Variants in WDFY2 observed in about 807,000 individuals in gnomAD.
WDFY2 encodes the protein WD repeat and FYVE domain-containing protein 2.
A neutral mutation model predicts 56.4 loss-of-function variants in WDFY2; 36 were observed. The ratio of observed to expected loss-of-function variants is 0.64; its 90% CI spans 0.49 to 0.84. The LOEUF (loss-of-function observed/expected upper bound fraction) is 0.84. WDFY2 is among the 40% of genes least tolerant of loss of function. The pLI is 0.00. For missense variants in WDFY2, 444 were observed against 512.2 expected (o/e 0.87, Z 1.29); for synonymous variants, 176 against 183.7 (o/e 0.96, Z 0.34).
Position 51,741,237 on chromosome 13 carries a change from G to A in WDFY2, c.725+2062G>A, listed in dbSNP as rs1222769112. 2.6e-5 allele frequency among the ~76,000 whole-genome samples: 4 copies of A among 152,162 alleles called. No homozygotes were observed. In the East Asian group the frequency reaches 7.7e-4, roughly 29 times the overall value. On this transcript the variant is annotated intron_variant, in intron 7 of 11. Transcript: ENST00000298125. ...TAAGCAGGCAGGCTGCTGAGATCAG[G>A]AGCCACCAGGCAGAAGTGGCTTTAC... is the stretch of plus-strand genomic sequence containing the variant.
At position 51,702,793 on chromosome 13, in the gene WDFY2, T is replaced by G. The variant is rs1016804279; in HGVS notation, c.280-803T>G. On this transcript the variant is annotated intron_variant, in intron 3 of 11. Coordinates refer to ENST00000298125, the MANE Select transcript of WDFY2 (RefSeq NM_052950.4). ...CTCAGATGAAGGCATCAATTTATTA[T>G]ACTTTGCAGCTTTCCTTATGTTTTA... is the stretch of plus-strand genomic sequence containing the variant. Among the ~76,000 whole-genome samples the G allele has an allele frequency of 2.0e-5, 3 of 152,354 alleles. No individual in the cohort carries two copies. The East Asian group carries it at 5.8e-4, about 29-fold the overall frequency.
In WDFY2 at chr13:51,756,443, G is replaced by A. The variant is rs1191616603; in HGVS notation, c.1045G>A (p.Glu349Lys). Residue 349 changes from glutamate (E) to lysine (K), a missense_variant, in exon 10 of 12, where the codon GAG becomes AAG. Glu to Lys is a moderately conservative substitution (Grantham distance 56). Transcript: ENST00000298125. ...FEVRVCDSCH[E>K]AITDEERAPT... ...AGTGAGGGTCTGTGACAGCTGCCAC[G>A]AGGCCATCACAGATGAAGAGTAAGT... 11 of 1,613,894 alleles carry A rather than the reference G, an allele frequency of 6.8e-6. No individual in the cohort carries two copies. The highest frequency in any genetic ancestry group is 2.2e-5 in the South Asian group (2 of 91,078).
At chr13:51,677,116 A>G (rs961499156) in intron 3 of WDFY2, among the ~76,000 whole-genome samples, 2 of 152,232 alleles carry the variant, frequency 1.3e-5, no homozygotes, top group Non-Finnish European at 2.9e-5. Flanking sequence ...AGGCGAAACC[A>G]TCTTAGCCAT....
chr13:51,747,904 T>TA (rs1953140298), intron 7 of WDFY2, among the ~76,000 whole-genome samples: 1 of 152,220 alleles, frequency 6.6e-6, no homozygotes, highest in Non-Finnish European at 1.5e-5. Flanking sequence ...ATCTTAGGCA[T>TA]AAAACACATC....
chr13:51,609,602 C>T (rs1954454350), intron 1 of WDFY2, among the ~76,000 whole-genome samples: 5 of 68,754 alleles, frequency 7.3e-5, no homozygotes, highest in Admixed American at 2.0e-4. Flanking sequence ...AAAACCCCAA[C>T]CCCCGCCCCC....
At chr13:51,653,867 G>T (rs1955454873) in intron 1 of WDFY2, among the ~76,000 whole-genome samples, 1 of 152,206 alleles carries the variant, frequency 6.6e-6, no homozygotes, top group Admixed American at 6.5e-5. Context: ...ACCCACTTGA[G>T]GAGGCAGTCT....
rs559784567 is a variant in WDFY2 at position 51,707,832 on chromosome 13, G to T, written c.334+4182G>T. 1.7e-3 allele frequency among the ~76,000 whole-genome samples: 260 copies of T among 150,224 alleles called. 1 individual carries two copies. The highest frequency in any genetic ancestry group is 6.1e-3 in the African/African-American group (248 of 40,898). Reference sequence around the variant, plus strand: ...CAATAACACAAAGATCAGGAGAAATGGAAGTATACTATTGTAGGTTCTAGA... The same window carrying T: ...CAATAACACAAAGATCAGGAGAAATTGAAGTATACTATTGTAGGTTCTAGA... On this transcript the variant is annotated intron_variant, in intron 4 of 11. Transcript: ENST00000298125.
In WDFY2 at chr13:51,703,645, A is replaced by G. The variant is rs2138583864; in HGVS notation, c.329A>G (p.Tyr110Cys). The G allele has an allele frequency of 2.5e-6, 4 of 1,610,448 alleles. No individual in the cohort carries two copies. In the South Asian group the frequency reaches 3.3e-5, roughly 13 times the overall value. ...DYNKMTPVKN[Y>C]QAHQSRVTMI... ...AACAAGATGACTCCTGTGAAAAACT[A>G]TCAAGGTAGGGAGTGAGAGGAGTAC... is the stretch of plus-strand genomic sequence containing the variant. The change falls in exon 4 of 12, where the codon TAT becomes TGT. Residue 110 changes from tyrosine to cysteine, a missense_variant. Transcript: ENST00000298125.
intron 6 of WDFY2, among the ~76,000 whole-genome samples, chr13:51,729,846 A>C (rs1478415434): frequency 1.3e-5 from 2 of 152,212 alleles, no homozygotes; most frequent in African/African-American, 4.8e-5. Flanking sequence ...AAAGTTTACC[A>C]TTTTAACCAT....
intron 1 of WDFY2, among the ~76,000 whole-genome samples, chr13:51,607,204 A>C (rs1954399351): frequency 6.6e-6 from 1 of 152,228 alleles, no homozygotes; most frequent in African/African-American, 2.4e-5. Context: ...TTAGTGACTT[A>C]AAACAACAAT....
chr13:51,670,888 G>A (rs764768081), intron 2 of WDFY2, among the ~76,000 whole-genome samples: 12 of 151,884 alleles, frequency 7.9e-5, no homozygotes, highest in East Asian at 1.9e-4. Context: ...ACCTTTCCTC[G>A]AATCCCCAAA....
At chr13:51,643,619 G>C (rs923624089) in intron 1 of WDFY2, among the ~76,000 whole-genome samples, 1 of 152,114 alleles carries the variant, frequency 6.6e-6, no homozygotes, top group Non-Finnish European at 1.5e-5. Flanking sequence ...TGTTTCTCTT[G>C]CCTGTGAGGG....
chr13:51,758,369 C>T, intron 11 of WDFY2, 69 bp downstream of exon 11: 1 of 1,174,628 alleles, frequency 8.5e-7, no homozygotes, highest in Non-Finnish European at 1.2e-6. Context: ...GCACCAAGAA[C>T]ATGGGAGGCA....
intron 3 of WDFY2, among the ~76,000 whole-genome samples, chr13:51,700,683 T>G (rs1951964699): frequency 6.6e-6 from 1 of 152,226 alleles, no homozygotes; most frequent in Non-Finnish European, 1.5e-5. Context: ...AGTAATATTA[T>G]GGTCAGGCGT....
intron 5 of WDFY2, among the ~76,000 whole-genome samples, chr13:51,722,916 T>C (rs139679833): frequency 6.6e-6 from 1 of 152,372 alleles, no homozygotes; most frequent in African/African-American, 2.4e-5. Context: ...CATGTTTTGA[T>C]AATATTTTTC....
At chr13:51,730,478 T>C (rs1952699701) in intron 6 of WDFY2, among the ~76,000 whole-genome samples, 1 of 152,204 alleles carries the variant, frequency 6.6e-6, no homozygotes, top group African/African-American at 2.4e-5. Flanking sequence ...CGCTCTGTGC[T>C]GTCCCTTGTC....
At position 51,686,065 on chromosome 13, in the gene WDFY2, G is replaced by A. The variant is rs115384909; in HGVS notation, c.279+10822G>A. ...TTATTCTCTTCCCTCCCTTTATCAA[G>A]TAGAGCTTTCTCAGAGTTTGTGGGA... On this transcript the variant is annotated intron_variant, in intron 3 of 11. Transcript: ENST00000298125. Among the ~76,000 whole-genome samples, 1,389 of 152,194 alleles carry A rather than the reference G, an allele frequency of 9.1e-3. 18 individuals carry two copies. The highest frequency in any genetic ancestry group is 0.032 in the African/African-American group (1,313 of 41,504).
chr13:51,663,565 A>G (rs1294687986), intron 2 of WDFY2, among the ~76,000 whole-genome samples: 2 of 152,220 alleles, frequency 1.3e-5, no homozygotes, highest in Admixed American at 1.3e-4. Context: ...ACGCATTCAG[A>G]TGATGTAATA....
At chr13:51,725,607 T>A (rs1309822628) in intron 5 of WDFY2, among the ~76,000 whole-genome samples, 1 of 152,188 alleles carries the variant, frequency 6.6e-6, no homozygotes, top group African/African-American at 2.4e-5. Flanking sequence ...TTCATTTTAC[T>A]TTGTTTTCAA....
Sources: gnomAD v4.1 joint callset for allele counts (sites outside exome capture counted in the v4.1 genomes callset) on GRCh38, gnomAD v4.1.1 for gene constraint, MANE v1.5 for transcripts, NCBI Gene and HGNC (gene_info 2026-07-23, HGNC 2026-07-21) for gene names.